Variants in PRKN observed in about 807,000 individuals in gnomAD.
The protein encoded by PRKN is parkin RBR E3 ubiquitin protein ligase, also known as E3 ubiquitin-protein ligase parkin.
In PRKN, 56 loss-of-function variants were observed where a neutral mutation model predicts 59.5. The ratio of observed to expected loss-of-function variants is 0.94; its 90% CI spans 0.76 to 1.18. The LOEUF (loss-of-function observed/expected upper bound fraction) is 1.18, where lower values mean the gene tolerates loss of function less well. Ranked by LOEUF, PRKN falls within the 50% of genes most tolerant of loss-of-function variation. The probability of loss-of-function intolerance (pLI) is 0.00; values close to 1 mark genes in which losing one functional copy is unlikely to be tolerated. For synonymous variants in PRKN, 250 were observed against 222.1 expected, an observed-to-expected ratio of 1.13 and a Z score of -1.12; for missense variants, 657 against 596.4, an observed-to-expected ratio of 1.10 and a Z score of -1.06.
At chr6:162,525,175 G>C (rs1213646047) in intron 1 of PRKN, among the ~76,000 whole-genome samples, 1 of 152,038 alleles carries the variant, frequency 6.6e-6, no homozygotes, top group Non-Finnish European at 1.5e-5. Flanking sequence ...CCCCTTTCTA[G>C]CTCTGTGACC....
intron 2 of PRKN, among the ~76,000 whole-genome samples, chr6:162,282,569 G>C (rs1322522909): frequency 6.6e-6 from 1 of 152,168 alleles, no homozygotes; most frequent in Admixed American, 6.6e-5. Flanking sequence ...GATGTCCTTT[G>C]CAACCACAGT....
At position 161,475,120 on chromosome 6, in the gene PRKN, C is replaced by A. The variant is rs184161753; in HGVS notation, c.1083+73734G>T. On this transcript the variant is annotated intron_variant, in intron 9 of 11. Transcript: ENST00000366898. This position sits in a 1 kb window ranked among gnomAD's most constrained non-coding sequence, Gnocchi z 5.3. ...CCATGTTGGCCAGGATGGTCTCGATCTCTTGACCTCATGATCTGCCTGCCT... is the reference window on the plus strand; with the variant it reads ...CCATGTTGGCCAGGATGGTCTCGATATCTTGACCTCATGATCTGCCTGCCT... Among the ~76,000 whole-genome samples, 90 of 152,310 alleles carry A rather than the reference C, an allele frequency of 5.9e-4. No homozygotes were observed. The highest frequency in any genetic ancestry group is 1.2e-3 in the Admixed American group (19 of 15,296).
At chr6:161,978,450 C>T (rs1217490321) in intron 5 of PRKN, among the ~76,000 whole-genome samples, 2 of 152,224 alleles carry the variant, frequency 1.3e-5, no homozygotes, top group Admixed American at 6.5e-5. Flanking sequence ...AATAAAGGAA[C>T]ACACAATAGA....
intron 1 of PRKN, among the ~76,000 whole-genome samples, chr6:162,488,270 A>G (rs890811524): frequency 6.6e-6 from 1 of 151,986 alleles, no homozygotes; most frequent in Non-Finnish European, 1.5e-5. Flanking sequence ...CCAGGCATGC[A>G]TGTTTTAGGT....
chr6:161,902,524 GTCTA>G lies in PRKN; in HGVS notation c.734+70774_734+70777del, dbSNP rs557665439. On this transcript the variant is annotated intron_variant, in intron 6 of 11. Coordinates refer to ENST00000366898, the MANE Select transcript of PRKN (RefSeq NM_004562.3). ...GTGTGTGTAAATGTAATAGACATCC[GTCTA>G]TCTATCTATCTATCTATCTATTTAT... Among the ~76,000 whole-genome samples, 138 of 133,120 alleles carry G rather than the reference GTCTA, an allele frequency of 1.0e-3. 2 individuals carry two copies. The highest frequency in any genetic ancestry group is 2.9e-3 in the African/African-American group (97 of 34,008). 87.3% of individuals were successfully genotyped at this position (133,120 alleles called of 152,430 possible).
At chr6:161,804,125 T>C (rs1243998102) in intron 6 of PRKN, among the ~76,000 whole-genome samples, 1 of 152,198 alleles carries the variant, frequency 6.6e-6, no homozygotes, top group South Asian at 2.1e-4. Flanking sequence ...AAGGTCATTA[T>C]TGGCTGAGCA....
rs543624458 is a variant in PRKN at position 162,206,424 on chromosome 6, G to A, written c.413-5172C>T. Reference sequence around the variant, plus strand: ...TGATAAGGAGCTGCTGGCATGAGGCGTCCCCCAAGCCTTTGTCCAAAGCCC... The same window carrying A: ...TGATAAGGAGCTGCTGGCATGAGGCATCCCCCAAGCCTTTGTCCAAAGCCC... On this transcript the variant is annotated intron_variant, in intron 3 of 11. Coordinates refer to ENST00000366898, the MANE Select transcript of PRKN (RefSeq NM_004562.3). Among the ~76,000 whole-genome samples, 43 of 152,282 alleles carry A rather than the reference G, an allele frequency of 2.8e-4. 1 individual carries two copies. In the South Asian group the frequency reaches 5.4e-3, roughly 19 times the overall value.
chr6:161,493,171 A>G (rs1381743530), intron 9 of PRKN, among the ~76,000 whole-genome samples: 3 of 152,230 alleles, frequency 2.0e-5, no homozygotes, highest in Non-Finnish European at 2.9e-5. Flanking sequence ...GGGGAGGATC[A>G]TAGCCTATTC....
chr6:162,036,362 T>C lies in PRKN; in HGVS notation c.618+17729A>G, dbSNP rs559777543. 3.8e-4 allele frequency among the ~76,000 whole-genome samples: 58 copies of C among 151,806 alleles called. 1 individual carries two copies. The South Asian group carries it at 0.011, about 28-fold the overall frequency. On this transcript the variant is annotated intron_variant, in intron 5 of 11. Coordinates refer to ENST00000366898, the MANE Select transcript of PRKN (RefSeq NM_004562.3). Reference sequence around the variant, plus strand: ...ACAAAATAAAGAAAGAAAACAATAATTACATCAAAATTATAGTTTAAATAA... The same window carrying C: ...ACAAAATAAAGAAAGAAAACAATAACTACATCAAAATTATAGTTTAAATAA...
At chr6:161,663,483 T>C (rs1784620838) in intron 7 of PRKN, among the ~76,000 whole-genome samples, 1 of 152,052 alleles carries the variant, frequency 6.6e-6, no homozygotes, top group Non-Finnish European at 1.5e-5. Flanking sequence ...CACAGCAGGG[T>C]CTAATCGAAC....
chr6:162,450,339 T>G (rs1248567895), intron 1 of PRKN, among the ~76,000 whole-genome samples: 2 of 94,246 alleles, frequency 2.1e-5, no homozygotes, highest in Admixed American at 1.1e-4. Flanking sequence ...GCCCCTGTGA[T>G]TGTAATCCCC....
intron 5 of PRKN, among the ~76,000 whole-genome samples, chr6:162,024,278 A>ACC (rs1430426432): frequency 7.1e-6 from 1 of 141,126 alleles, no homozygotes; most frequent in Non-Finnish European, 1.5e-5. Context: ...GTTCACTGCA[A>ACC]CCTCTGCCTC....
chr6:162,459,110 G>A (rs1300594103), intron 1 of PRKN, among the ~76,000 whole-genome samples: 1 of 152,128 alleles, frequency 6.6e-6, no homozygotes, highest in African/African-American at 2.4e-5. Flanking sequence ...ATGAGCCACC[G>A]TGCCTGGCCA....
chr6:162,641,383 T>C (rs928524936), intron 1 of PRKN, among the ~76,000 whole-genome samples: 1 of 152,130 alleles, frequency 6.6e-6, no homozygotes, highest in South Asian at 2.1e-4. Context: ...AATCAAATTG[T>C]AGAAGGCAAA....
At chr6:162,040,201 C>A (rs1421039728) in intron 5 of PRKN, among the ~76,000 whole-genome samples, 1 of 152,134 alleles carries the variant, frequency 6.6e-6, no homozygotes, top group African/African-American at 2.4e-5. Flanking sequence ...TCTGGTCTCT[C>A]CAGCACAGAA....
rs906301223 is a variant in PRKN, at chr6:161,566,327, T to C, written c.933+3028A>G. Among the ~76,000 whole-genome samples, 1 of 152,158 alleles carries C rather than the reference T, an allele frequency of 6.6e-6. No individual in the cohort carries two copies. Among genetic ancestry groups the C allele is most frequent in the Non-Finnish European group, 1.5e-5 (1 of 68,022 alleles). The stretch of plus-strand genomic sequence containing the variant: ...CTTCTTGCTGAGCATAGGACACAGA[T>C]CATGATTCCTCCTCCTAAAGATGCC... On this transcript the variant is annotated intron_variant, in intron 8 of 11. Coordinates refer to ENST00000366898, the MANE Select transcript of PRKN (RefSeq NM_004562.3). The surrounding 1 kb of genome is among the most constrained non-coding windows in gnomAD (Gnocchi z 4.1).
intron 6 of PRKN, among the ~76,000 whole-genome samples, chr6:161,826,542 G>A (rs1365331449): frequency 1.3e-5 from 2 of 152,130 alleles, no homozygotes; most frequent in Admixed American, 6.5e-5. Flanking sequence ...GTCTGCACCC[G>A]TGTTTTATCC....
Position 161,442,337 on chromosome 6 carries a change from C to T in PRKN, c.1084-55460G>A, listed in dbSNP as rs902156600. Among the ~76,000 whole-genome samples the T allele has an allele frequency of 6.6e-6, 1 of 152,170 alleles. No individual in the cohort carries two copies. Among genetic ancestry groups the T allele is most frequent in the African/African-American group, 2.4e-5 (1 of 41,452 alleles). On this transcript the variant is annotated intron_variant, in intron 9 of 11. Transcript: ENST00000366898. The surrounding 1 kb of genome is among the most constrained non-coding windows in gnomAD (Gnocchi z 4.6). ...CATAAAATGATTAGCACAAAAAATA[C>T]ACCATGAAATGAGTTTAAAGTCCTT... is the stretch of plus-strand genomic sequence containing the variant.
In PRKN at chr6:161,788,717, C is replaced by T. The variant is rs139990414; in HGVS notation, c.735-2809G>A. On this transcript the variant is annotated intron_variant, in intron 6 of 11. Coordinates refer to ENST00000366898, the MANE Select transcript of PRKN (RefSeq NM_004562.3). ...TTGAAGAAACGCCACTGCCCAGACG[C>T]AGGTGTGGAATGCAACCGGGGAAGC... Among the ~76,000 whole-genome samples the T allele has an allele frequency of 7.9e-3, 1,196 of 152,280 alleles. 13 individuals are homozygous for T. Among genetic ancestry groups the T allele is most frequent in the African/African-American group, 0.027 (1,117 of 41,534 alleles).
Sources: allele counts gnomAD v4.1 joint callset (sites outside exome capture counted in the v4.1 genomes callset), GRCh38; gene constraint gnomAD v4.1.1; non-coding constraint Gnocchi (gnomAD v3.1); transcripts MANE v1.5; gene names NCBI Gene and HGNC (gene_info 2026-07-23, HGNC 2026-07-21).